The following SHISA9 variants were observed in gnomAD, a reference collection of about 807,000 sequenced individuals.
SHISA9 encodes the protein protein shisa-9.
In SHISA9, 13 loss-of-function variants were observed where a neutral mutation model predicts 38.0. That is an observed-to-expected ratio of 0.34 (90% CI 0.22 to 0.54). The LOEUF (loss-of-function observed/expected upper bound fraction) is 0.54. SHISA9 is among the 20% of genes least tolerant of loss of function. The probability of loss-of-function intolerance (pLI) is 0.91; values close to 1 mark genes in which losing one functional copy is unlikely to be tolerated. For synonymous variants in SHISA9, 275 were observed against 242.0 expected (o/e 1.14, Z -1.27); for missense variants, 538 against 575.8 (o/e 0.93, Z 0.67).
the SHISA9 span, among the ~76,000 whole-genome samples, chr16:13,430,664 G>C: frequency 6.6e-6 from 1 of 152,040 alleles, no homozygotes; most frequent in Non-Finnish European, 1.5e-5. Flanking sequence ...TCAGCATTTT[G>C]AGAGTCTAAG....
the SHISA9 span, among the ~76,000 whole-genome samples, chr16:13,436,892 C>T: frequency 6.7e-3 from 1,016 of 152,312 alleles, 7 homozygotes; most frequent in African/African-American, 0.023. Flanking sequence ...TGAAGTTTGA[C>T]GGGCTTAATC....
At chr16:13,299,312 G>C in the SHISA9 span, among the ~76,000 whole-genome samples, 1 of 152,052 alleles carries the variant, frequency 6.6e-6, no homozygotes, top group Non-Finnish European at 1.5e-5. Flanking sequence ...TTCACTCTTC[G>C]CAATCCAATG....
chr16:13,367,712 G>GCGCACACACACACA, the SHISA9 span, among the ~76,000 whole-genome samples: 125 of 104,688 alleles, frequency 1.2e-3, no homozygotes, highest in Middle Eastern at 5.1e-3. Flanking sequence ...GCGCGCGCGC[G>GCGCACACACACACA]CACACACACA....
At chr16:13,068,219 C>T (rs933931384) in intron 2 of SHISA9, among the ~76,000 whole-genome samples, 1 of 152,218 alleles carries the variant, frequency 6.6e-6, no homozygotes, top group Non-Finnish European at 1.5e-5. Flanking sequence ...GCCTCAGTTT[C>T]TCCATTGTGA....
the SHISA9 span, among the ~76,000 whole-genome samples, chr16:13,390,519 C>T: frequency 6.6e-6 from 1 of 152,172 alleles, no homozygotes; most frequent in African/African-American, 2.4e-5. Context: ...CGCCTGTGAT[C>T]TTTCTCACTC....
the SHISA9 span, chr16:13,246,269 C>A: frequency 2.0e-5 from 3 of 152,120 alleles, no homozygotes; most frequent in Non-Finnish European, 4.4e-5. Flanking sequence ...CTCACAAGAT[C>A]TGATGGTTTT....
chr16:13,313,544 G>A, the SHISA9 span, among the ~76,000 whole-genome samples: 1 of 152,148 alleles, frequency 6.6e-6, no homozygotes, highest in Non-Finnish European at 1.5e-5. Flanking sequence ...TTAAAAAGTG[G>A]TTCCCAAGGG....
chr16:12,921,638 G>T (rs2071330267), intron 2 of SHISA9, among the ~76,000 whole-genome samples: 1 of 152,146 alleles, frequency 6.6e-6, no homozygotes, highest in African/African-American at 2.4e-5. Flanking sequence ...GGGCATGGTA[G>T]TTCACACCAG....
At chr16:13,434,417 A>ATGTTTTTTTTTTTTTTT in the SHISA9 span, among the ~76,000 whole-genome samples, 1 of 41,798 alleles carries the variant, frequency 2.4e-5, no homozygotes, top group Non-Finnish European at 5.2e-5. Context: ...TAGACAAGCT[A>ATGTTTTTTTTTTTTTTT]TGTTTTTTTT....
chr16:13,283,942 G>C, the SHISA9 span, among the ~76,000 whole-genome samples: 7 of 151,960 alleles, frequency 4.6e-5, no homozygotes, highest in African/African-American at 1.7e-4. Context: ...ATCTCACCTT[G>C]AGAATGGACA....
At chr16:12,973,919 C>A (rs1376326918) in intron 2 of SHISA9, among the ~76,000 whole-genome samples, 1 of 152,144 alleles carries the variant, frequency 6.6e-6, no homozygotes, top group Admixed American at 6.5e-5. Context: ...CTTCAAGCAC[C>A]CTTCTGGATT....
intron 2 of SHISA9, among the ~76,000 whole-genome samples, chr16:12,928,343 C>T (rs1009882852): frequency 4.8e-5 from 5 of 103,542 alleles, no homozygotes; most frequent in Non-Finnish European, 8.2e-5. Context: ...TGTGTGTGTG[C>T]ATGACTTTAT....
At chr16:12,918,022 A>G (rs2071280640) in intron 2 of SHISA9, among the ~76,000 whole-genome samples, 1 of 152,196 alleles carries the variant, frequency 6.6e-6, no homozygotes, top group African/African-American at 2.4e-5. Flanking sequence ...AGTAAAGTCA[A>G]TGTTTGCATG....
At chr16:12,927,518 C>T (rs962513082) in intron 2 of SHISA9, among the ~76,000 whole-genome samples, 1 of 152,108 alleles carries the variant, frequency 6.6e-6, no homozygotes, top group African/African-American at 2.4e-5. Flanking sequence ...CCCACCTCAA[C>T]CTCTCAAGTA....
At chr16:13,377,463 C>T in the SHISA9 span, among the ~76,000 whole-genome samples, 1 of 152,156 alleles carries the variant, frequency 6.6e-6, no homozygotes, top group Non-Finnish European at 1.5e-5. Flanking sequence ...AGGATTGTCC[C>T]AATATGCCTC....
chr16:13,096,089 C>T lies in SHISA9; in HGVS notation c.692-107305C>T, dbSNP rs186503474. ...GCTTCACTGGGTATTAGCTGGTTAA[C>T]GATGAACAAGTCACTTAACTCCTTT... On this transcript the variant is annotated intron_variant, in intron 2 of 4. Coordinates refer to ENST00000558583, the MANE Select transcript of SHISA9 (RefSeq NM_001145204.3). Among the ~76,000 whole-genome samples, 280 of 152,312 alleles carry T rather than the reference C, an allele frequency of 1.8e-3. 2 individuals are homozygous for T. Among genetic ancestry groups the T allele is most frequent in the African/African-American group, 6.1e-3 (255 of 41,564 alleles).
chr16:13,367,207 T>G, the SHISA9 span, among the ~76,000 whole-genome samples: 2 of 151,162 alleles, frequency 1.3e-5, no homozygotes, highest in South Asian at 4.2e-4. Context: ...TCAACAACCA[T>G]TCAAGGATTA....
intron 2 of SHISA9, among the ~76,000 whole-genome samples, chr16:13,184,383 G>A (rs2050802415): frequency 6.6e-6 from 1 of 152,182 alleles, no homozygotes; most frequent in South Asian, 2.1e-4. Flanking sequence ...ATATTTCAGA[G>A]AGCTCTCACC....
At chr16:13,458,354 G>C in the SHISA9 span, 1 of 348,006 alleles carries the variant, frequency 2.9e-6, no homozygotes, top group South Asian at 2.4e-5. Context: ...CACTGATTTG[G>C]ACCAGTGTCT....
Sources: gnomAD v4.1 joint callset for allele counts (sites outside exome capture counted in the v4.1 genomes callset) on GRCh38, gnomAD v4.1.1 for gene constraint, MANE v1.5 for transcripts, NCBI Gene and HGNC (gene_info 2026-07-23, HGNC 2026-07-21) for gene names.